CDAN1: variants seen among roughly 807,000 people sequenced by gnomAD.
The protein encoded by CDAN1 is codanin-1.
CDAN1 carries 107 observed loss-of-function variants against 139.8 expected under a neutral mutation model. That is an observed-to-expected ratio of 0.77 (90% CI 0.65 to 0.90). CDAN1 has a LOEUF of 0.90. CDAN1 is among the 40% of genes least tolerant of loss of function. The probability of loss-of-function intolerance (pLI) is 0.00; values close to 1 mark genes in which losing one functional copy is unlikely to be tolerated. For missense variants in CDAN1, 1,667 were observed against 1,575.7 expected, an observed-to-expected ratio of 1.06 and a Z score of -0.98; for synonymous variants, 776 against 660.6, an observed-to-expected ratio of 1.17 and a Z score of -2.68.
At chr15:42,724,760 C>CTGT in intron 27 of CDAN1, 144 bp from the exon 28 acceptor site, 1 of 1,080,088 alleles carries the variant, frequency 9.3e-7, no homozygotes, top group Non-Finnish European at 1.4e-6. Context: ...GAAACCTTGT[C>CTGT]TGTTTGTTAG....
intron 1 of CDAN1, 39 bp from the exon 2 acceptor site, chr15:42,736,819 C>T (rs759504084): frequency 1.3e-6 from 2 of 1,483,010 alleles, no homozygotes; most frequent in East Asian, 2.8e-5. Flanking sequence ...AGAGGGTCAG[C>T]CGCCGGCCCG....
rs1279704041 is a variant in CDAN1 at position 42,723,801 on chromosome 15, G to C, written c.*690C>G. ...GGCTCACTGCAACCTCCACCTCCAG[G>C]TTCAAGCAGGTCTCCTGCCTCATCC... On this transcript the variant is annotated 3_prime_UTR_variant, in exon 28 of 28. Coordinates refer to ENST00000356231, the MANE Select transcript of CDAN1 (RefSeq NM_138477.4). 1.3e-5 allele frequency: 2 copies of C among 154,562 alleles called. No individual in the cohort carries two copies. 9.6% of individuals were successfully genotyped at this position (154,562 alleles called of 1,614,324 possible). A position where few individuals can be genotyped will look rare whatever the true frequency, so the allele number is the denominator to read the frequency against.
chr15:42,732,091 C>T (rs1417216964), intron 10 of CDAN1, among the ~76,000 whole-genome samples: 2 of 152,224 alleles, frequency 1.3e-5, no homozygotes, highest in Admixed American at 6.5e-5. Context: ...TTTACCACAG[C>T]ACAAATCAGG....
At chr15:42,733,529 C>T (rs1005371149) in intron 8 of CDAN1, among the ~76,000 whole-genome samples, 9 of 152,176 alleles carry the variant, frequency 5.9e-5, no homozygotes, top group Non-Finnish European at 1.2e-4. Context: ...CGCCCCTCGG[C>T]CTCCTGAAGT....
chr15:42,731,106 A>G (rs28645106), intron 12 of CDAN1, 35 bp from the exon 13 acceptor site: 1 of 1,614,134 alleles, frequency 6.2e-7, no homozygotes, highest in Non-Finnish European at 8.5e-7. Context: ...AGGTCCAAGC[A>G]TGAGGCTTCC....
chr15:42,736,093 C>A lies in CDAN1; in HGVS notation c.570-15G>T, dbSNP rs1257036788. The A allele has an allele frequency of 6.2e-7, 1 of 1,613,714 alleles. No individual in the cohort carries two copies. Among genetic ancestry groups the A allele is most frequent in the East Asian group, 2.2e-5 (1 of 44,856 alleles). ...AAGGCTTCGTCCTGCTGAGAGTAGCCACAGGTTTTTCTCAAATTCCTATCT... is the reference window on the plus strand; with the variant it reads ...AAGGCTTCGTCCTGCTGAGAGTAGCAACAGGTTTTTCTCAAATTCCTATCT... On this transcript the variant is annotated splice_polypyrimidine_tract_variant and intron_variant, in intron 2 of 27. Transcript: ENST00000356231.
Position 42,731,311 on chromosome 15 carries a change from A to AGAT in CDAN1, c.1757_1759dup (p.His586dup). The AGAT allele has an allele frequency of 6.2e-7, 1 of 1,614,032 alleles. No individual in the cohort carries two copies. The highest frequency in any genetic ancestry group is 8.5e-7 in the Non-Finnish European group (1 of 1,180,012). On this transcript the variant is annotated inframe_insertion, in exon 12 of 28. Coordinates refer to ENST00000356231, the MANE Select transcript of CDAN1 (RefSeq NM_138477.4). The stretch of plus-strand genomic sequence containing the variant: ...GATCTTCAAGCTCAGACTGTCCATG[A>AGAT]GATGCTGGTTAAACTGGAAGCTGAG...
intron 11 of CDAN1, 128 bp from the exon 12 acceptor site, chr15:42,731,459 C>T: frequency 2.1e-6 from 3 of 1,458,096 alleles, no homozygotes; most frequent in Non-Finnish European, 2.9e-6. Context: ...AATGAAATCA[C>T]CCACGTGGGT....
At position 42,727,713 on chromosome 15, in the gene CDAN1, G is replaced by T; in HGVS notation, c.3004C>A (p.Pro1002Thr). ...AVSRTLRAQG[P>T]EPAARGERRG... ...CGCTCCCCCCGGGCAGCAGGTTCAG[G>T]ACCCTGGGCTCGAAGTGTGCGACTC... The change falls in exon 23 of 28, where the codon CCT becomes ACT. Residue 1002 changes from proline (P) to threonine (T), a missense_variant. Coordinates refer to ENST00000356231, the MANE Select transcript of CDAN1 (RefSeq NM_138477.4). 6.3e-7 allele frequency: 1 copy of T among 1,585,818 alleles called. No homozygotes were observed.
Position 42,727,893 on chromosome 15 carries a change from G to T in CDAN1, c.2947+62C>A. On this transcript the variant is annotated intron_variant, in intron 22 of 27. Transcript: ENST00000356231. ...GTCCCATCGCCCACAAGATGCCTCT[G>T]ACTCTCTGCCAGTCCACTTTTTAAA... The T allele has an allele frequency of 6.3e-7, 1 of 1,599,868 alleles. No individual in the cohort carries two copies. The highest frequency in any genetic ancestry group is 8.6e-7 in the Non-Finnish European group (1 of 1,167,166).
chr15:42,729,895 C>G lies in CDAN1; in HGVS notation c.2263-10G>C. 6.2e-7 allele frequency: 1 copy of G among 1,609,364 alleles called. No individual in the cohort carries two copies. Among genetic ancestry groups the G allele is most frequent in the Non-Finnish European group, 8.5e-7 (1 of 1,177,090 alleles). On this transcript the variant is annotated splice_polypyrimidine_tract_variant and intron_variant, in intron 15 of 27. Transcript: ENST00000356231. ...CAGGGACTGTGGGAATCTGGCAAGA[C>G]AGTCACAATTCAGGTCAACTTCAGA...
chr15:42,729,151 A>G, intron 18 of CDAN1, 25 bp from the exon 19 acceptor site: 1 of 1,613,498 alleles, frequency 6.2e-7, no homozygotes, highest in Non-Finnish European at 8.5e-7. Context: ...GAGAGGCAGC[A>G]AGGCTTCCTC....
In CDAN1 at chr15:42,730,203, C is replaced by G. The variant is rs1272090928; in HGVS notation, c.2187G>C (p.Leu729Phe). The change falls in exon 15 of 28, where the codon TTG becomes TTC. Residue 729 changes from leucine (L) to phenylalanine (F), a missense_variant. By Grantham distance (22) the Leu-to-Phe change is conservative. This residue lies in a region of CDAN1 where 936 missense variants were observed against 844.1 expected (regional missense o/e 1.11). Transcript: ENST00000356231. ...LLLRLHRSLV[L>F]SQESEGKMCF... ...ACATCTTCCCCTCACTCTCCTGCGA[C>G]AACACCAAGCTCCTGAAACATCAAT... The G allele has an allele frequency of 2.5e-6, 4 of 1,614,036 alleles. No individual in the cohort carries two copies. The African/African-American group carries it at 5.3e-5, about 22-fold the overall frequency.
At chr15:42,730,256 G>A in intron 14 of CDAN1, 41 bp from the exon 15 acceptor site, 1 of 1,575,544 alleles carries the variant, frequency 6.3e-7, no homozygotes, top group Non-Finnish European at 8.7e-7. Context: ...GAGCAGAAAG[G>A]GGAAGGGAAT....
At chr15:42,734,983 TAGG>T in intron 6 of CDAN1, 114 bp downstream of exon 6, 1 of 742,846 alleles carries the variant, frequency 1.3e-6, no homozygotes, top group African/African-American at 1.7e-5. Flanking sequence ...AGATTATAGG[TAGG>T]AGAAGGTCCA....
intron 22 of CDAN1, 35 bp from the exon 23 acceptor site, chr15:42,727,804 G>C: frequency 6.2e-7 from 1 of 1,610,012 alleles, no homozygotes; most frequent in Non-Finnish European, 8.5e-7. Flanking sequence ...AAGGAATCAC[G>C]GGAGGGCCCT....
Position 42,735,176 on chromosome 15 carries a change from A to C in CDAN1, c.1060T>G (p.Ser354Ala). ...CTTTGGAACAGTGGACTTTCCAGGG[A>C]ATCTAGAAGGACAGTACCAAGCTGT... is the stretch of plus-strand genomic sequence containing the variant. ...DPELSPAVLD[S>A]LESPLFQSIH... The change falls in exon 6 of 28, where the codon TCC (serine) becomes GCC (alanine). Residue 354 changes from serine (S) to alanine (A), a missense_variant and splice_region_variant. Transcript: ENST00000356231. 6.2e-7 allele frequency: 1 copy of C among 1,613,302 alleles called. No homozygotes were observed. Among genetic ancestry groups the C allele is most frequent in the Non-Finnish European group, 8.5e-7 (1 of 1,179,274 alleles).
chr15:42,734,505 T>G (rs1215055956), intron 6 of CDAN1, among the ~76,000 whole-genome samples, 159 bp from the exon 7 acceptor site: 1 of 152,102 alleles, frequency 6.6e-6, no homozygotes, highest in Non-Finnish European at 1.5e-5. Flanking sequence ...ATAATGAAAG[T>G]CAAGGGGAGG....
chr15:42,728,102 G>T, intron 21 of CDAN1, 69 bp from the exon 22 acceptor site: 1 of 1,583,998 alleles, frequency 6.3e-7, no homozygotes, highest in East Asian at 2.2e-5. Context: ...CCAGAGTCGA[G>T]CACTGACCCC....
Sources: gnomAD v4.1 joint callset for allele counts (sites outside exome capture counted in the v4.1 genomes callset) on GRCh38, gnomAD v4.1.1 for gene constraint, gnomAD v4.1.1 regional missense constraint, MANE v1.5 for transcripts, NCBI Gene and HGNC (gene_info 2026-07-23, HGNC 2026-07-21) for gene names.